Variants in ESRRG observed in about 807,000 individuals in gnomAD.
The protein encoded by ESRRG is estrogen related receptor gamma, also known as estrogen-related receptor gamma.
A neutral mutation model predicts 44.0 loss-of-function variants in ESRRG; 13 were observed. That is an observed-to-expected ratio of 0.30 (90% confidence interval 0.19 to 0.47). The LOEUF is 0.47. Ranked by LOEUF, ESRRG falls within the 20% of genes least tolerant of loss-of-function variation. The pLI is 1.00. For synonymous variants in ESRRG, 215 were observed against 214.6 expected (o/e 1.00, Z -0.02); for missense variants, 395 against 580.6 (o/e 0.68, Z 3.29).
At chr1:216,978,007 C>T (rs1002730460) in intron 1 of ESRRG, among the ~76,000 whole-genome samples, 10 of 152,070 alleles carry the variant, frequency 6.6e-5, no homozygotes, top group Non-Finnish European at 1.3e-4. Flanking sequence ...TGGAACCATG[C>T]TCTTGGATTT....
chr1:216,886,989 C>A (rs776159908), intron 2 of ESRRG, among the ~76,000 whole-genome samples: 1 of 152,148 alleles, frequency 6.6e-6, no homozygotes, highest in East Asian at 1.9e-4. Flanking sequence ...CCACCCGCCT[C>A]GGTCTCCCAA....
upstream of ESRRG, among the ~76,000 whole-genome samples, chr1:216,726,603 C>T (rs1395993840): frequency 6.6e-6 from 1 of 152,126 alleles, no homozygotes; most frequent in Non-Finnish European, 1.5e-5. Context: ...ATACACTTCA[C>T]AATCTTACCA....
At chr1:216,977,206 C>T (rs953837141) in intron 1 of ESRRG, among the ~76,000 whole-genome samples, 13 of 151,964 alleles carry the variant, frequency 8.6e-5, no homozygotes, top group South Asian at 2.1e-4. Flanking sequence ...CCTCTAGACT[C>T]GCACATTTAC....
chr1:216,859,911 A>G (rs1182253861), intron 2 of ESRRG, among the ~76,000 whole-genome samples: 1 of 152,200 alleles, frequency 6.6e-6, no homozygotes, highest in Non-Finnish European at 1.5e-5. Flanking sequence ...ATCATCCAAA[A>G]GTGAGAAGGA....
At chr1:216,645,871 CAAAAAAAAAA>C (rs776262531) in intron 3 of ESRRG, among the ~76,000 whole-genome samples, 4 of 91,196 alleles carry the variant, frequency 4.4e-5, no homozygotes, top group South Asian at 4.0e-4. Context: ...GACCCCTTCT[CAAAAAAAAAA>C]AAAAAAAAAA....
At chr1:216,599,446 A>T (rs182135495) in intron 3 of ESRRG, among the ~76,000 whole-genome samples, 103 of 152,240 alleles carry the variant, frequency 6.8e-4, no homozygotes, top group African/African-American at 2.3e-3. Context: ...AATTTTGAAA[A>T]TGAATTATTC....
At chr1:216,722,477 A>C (rs1304459931) in intron 1 of ESRRG, among the ~76,000 whole-genome samples, 1 of 149,660 alleles carries the variant, frequency 6.7e-6, no homozygotes, top group Non-Finnish European at 1.5e-5. Flanking sequence ...ATACTAATTA[A>C]ACTGCTTGTA....
At chr1:216,664,657 T>G (rs1257748536) in intron 2 of ESRRG, among the ~76,000 whole-genome samples, 2 of 147,948 alleles carry the variant, frequency 1.4e-5, no homozygotes, top group Non-Finnish European at 3.0e-5. Context: ...TATTTAAACA[T>G]TCACCTCCTA....
chr1:216,569,185 G>GGGAAGGGAAGGGAAA (rs2060283362), intron 3 of ESRRG, among the ~76,000 whole-genome samples: 1 of 51,562 alleles, frequency 1.9e-5, no homozygotes, highest in East Asian at 4.5e-4. Flanking sequence ...GGGAAGGGAA[G>GGGAAGGGAAGGGAAA]GGAAGGGAAA....
chr1:216,640,582 C>T (rs552296436), intron 3 of ESRRG, among the ~76,000 whole-genome samples: 12 of 152,048 alleles, frequency 7.9e-5, no homozygotes, highest in Non-Finnish European at 1.0e-4. Flanking sequence ...GTGTCAGTTA[C>T]GGGGACTTAG....
intron 2 of ESRRG, among the ~76,000 whole-genome samples, chr1:216,667,823 G>T (rs974319682): frequency 5.9e-5 from 9 of 151,914 alleles, no homozygotes; most frequent in African/African-American, 2.2e-4. Flanking sequence ...ATAAGGCTGG[G>T]CGCGGTGGCT....
At chr1:216,810,597 T>C (rs1055878460) in intron 2 of ESRRG, among the ~76,000 whole-genome samples, 1 of 147,650 alleles carries the variant, frequency 6.8e-6, no homozygotes. Context: ...ATATATATAA[T>C]ATATATATCT....
rs1057450457 is a variant in ESRRG, at chr1:216,840,607, A to G, written c.-14+98975T>C. Among the ~76,000 whole-genome samples the G allele has an allele frequency of 5.3e-5, 8 of 152,172 alleles. No homozygotes were observed. The South Asian group carries it at 1.7e-3, about 31-fold the overall frequency. ...CAGCTTTCGACATGCCTTCCTCTGT[A>G]AGCTAAATCATTTCCAGCTTTTGAT... On this transcript the variant is annotated intron_variant, in intron 2 of 7. Coordinates refer to the ESRRG transcript ENST00000359162.
In ESRRG at chr1:216,919,447, A is replaced by C. The variant is rs150506312; in HGVS notation, c.-14+20135T>G. Reference sequence around the variant, plus strand: ...GTGAGGAGACCAATCATACAGCTAGAACACTCAGGCTTGGGCTGAAAAGCA... The same window carrying C: ...GTGAGGAGACCAATCATACAGCTAGCACACTCAGGCTTGGGCTGAAAAGCA... On this transcript the variant is annotated intron_variant, in intron 2 of 7. Coordinates refer to the ESRRG transcript ENST00000359162. 1.4e-4 allele frequency among the ~76,000 whole-genome samples: 21 copies of C among 152,298 alleles called. No homozygotes were observed. In the East Asian group the frequency reaches 2.7e-3, roughly 20 times the overall value.
At chr1:216,586,866 C>T (rs530217115) in intron 3 of ESRRG, among the ~76,000 whole-genome samples, 1 of 152,032 alleles carries the variant, frequency 6.6e-6, no homozygotes, top group Non-Finnish European at 1.5e-5. Flanking sequence ...AGTGAGCCAC[C>T]ACATCTGGCC....
intron 2 of ESRRG, among the ~76,000 whole-genome samples, chr1:216,806,459 A>G (rs995638236): frequency 9.2e-5 from 14 of 152,206 alleles, no homozygotes; most frequent in African/African-American, 3.4e-4. Flanking sequence ...CTTTTGTCAT[A>G]AAACAAAAAG....
chr1:217,136,044 G>A (rs1182226730), intron 1 of ESRRG, among the ~76,000 whole-genome samples: 2 of 152,150 alleles, frequency 1.3e-5, no homozygotes, highest in Non-Finnish European at 2.9e-5. Context: ...AATTTTTGCG[G>A]AAGGGGGTAA....
At chr1:217,034,274 G>A (rs946619045) in intron 1 of ESRRG, among the ~76,000 whole-genome samples, 1 of 152,150 alleles carries the variant, frequency 6.6e-6, no homozygotes, top group Non-Finnish European at 1.5e-5. Flanking sequence ...TGTAGAAAGG[G>A]ATCTCTTTGG....
chr1:216,549,412 G>A (rs1215152589), intron 5 of ESRRG, among the ~76,000 whole-genome samples: 1 of 152,038 alleles, frequency 6.6e-6, no homozygotes, highest in Non-Finnish European at 1.5e-5. Flanking sequence ...AGAGATTGGG[G>A]AGGGTCCTCC....
Sources: gnomAD v4.1 joint callset for allele counts (sites outside exome capture counted in the v4.1 genomes callset) on GRCh38, gnomAD v4.1.1 for gene constraint, MANE v1.5 for transcripts, NCBI Gene and HGNC (gene_info 2026-07-23, HGNC 2026-07-21) for gene names.